FGGY: variants seen among roughly 807,000 people sequenced by gnomAD.
FGGY encodes the protein FGGY carbohydrate kinase domain-containing protein.
A neutral mutation model predicts 71.3 loss-of-function variants in FGGY; 72 were observed. The observed-to-expected ratio is 1.01, with a 90% CI of 0.84 to 1.23. The LOEUF (loss-of-function observed/expected upper bound fraction) is 1.23. FGGY is among the 50% of genes most tolerant of loss of function. FGGY has a pLI of 0.00. For missense variants in FGGY, 668 were observed against 682.3 expected, an observed-to-expected ratio of 0.98 and a Z score of 0.23; for synonymous variants, 251 against 250.3, an observed-to-expected ratio of 1.00 and a Z score of -0.02.
chr1:59,322,005 A>G (rs1439494018), intron 2 of FGGY, among the ~76,000 whole-genome samples: 1 of 152,184 alleles, frequency 6.6e-6, no homozygotes, highest in Non-Finnish European at 1.5e-5. Flanking sequence ...GGAAGACAGG[A>G]CAGCTTGAGG....
intron 1 of FGGY, among the ~76,000 whole-genome samples, chr1:59,302,768 CT>C (rs2042964226): frequency 6.6e-6 from 1 of 151,796 alleles, no homozygotes; most frequent in Non-Finnish European, 1.5e-5. Flanking sequence ...TAAAATTGAA[CT>C]TTATTCAGTT....
intron 6 of FGGY, among the ~76,000 whole-genome samples, chr1:59,467,030 T>A (rs1572520411): frequency 6.6e-6 from 1 of 152,326 alleles, no homozygotes; most frequent in African/African-American, 2.4e-5. Flanking sequence ...TACATCATGC[T>A]ACTATAAAGA....
intron 14 of FGGY, among the ~76,000 whole-genome samples, chr1:59,750,877 C>T (rs981334616): frequency 7.8e-4 from 118 of 151,010 alleles, no homozygotes; most frequent in African/African-American, 2.7e-3. Context: ...AGGCAGATTC[C>T]TGTATTTTAG....
At chr1:59,747,080 A>G (rs2098204744) in intron 14 of FGGY, among the ~76,000 whole-genome samples, 1 of 152,182 alleles carries the variant, frequency 6.6e-6, no homozygotes, top group African/African-American at 2.4e-5. Flanking sequence ...CGGCAGTACT[A>G]TATACCTTCT....
intron 6 of FGGY, among the ~76,000 whole-genome samples, chr1:59,484,943 G>A (rs1470625673): frequency 6.6e-6 from 1 of 152,068 alleles, no homozygotes; most frequent in Non-Finnish European, 1.5e-5. Context: ...ATCTTGGCCT[G>A]CAGACATCTT....
intron 11 of FGGY, among the ~76,000 whole-genome samples, chr1:59,657,741 C>T (rs537921363): frequency 2.0e-5 from 3 of 152,278 alleles, no homozygotes; most frequent in South Asian, 4.1e-4. Context: ...TTTTCAAACT[C>T]AAGACAAAGG....
At chr1:59,700,725 A>G (rs974453423) in intron 14 of FGGY, among the ~76,000 whole-genome samples, 1 of 152,112 alleles carries the variant, frequency 6.6e-6, no homozygotes, top group African/African-American at 2.4e-5. Context: ...AGCAATCACA[A>G]CAAGTAATAT....
intron 7 of FGGY, among the ~76,000 whole-genome samples, chr1:59,539,287 T>C (rs2095402336): frequency 1.3e-5 from 2 of 152,164 alleles, no homozygotes; most frequent in African/African-American, 4.8e-5. Context: ...TCCTAAAACT[T>C]AGATGGAAAG....
chr1:59,585,984 GAATGCC>G, intron 8 of FGGY, among the ~76,000 whole-genome samples: 1 of 152,188 alleles, frequency 6.6e-6, no homozygotes, highest in Non-Finnish European at 1.5e-5. Flanking sequence ...ACACCAGTTA[GAATGCC>G]AATCATTAAA....
chr1:59,467,202 G>A (rs556849456), intron 6 of FGGY, among the ~76,000 whole-genome samples: 2 of 152,116 alleles, frequency 1.3e-5, no homozygotes, highest in South Asian at 4.2e-4. Flanking sequence ...TCTTTTGTAG[G>A]GACATGGATG....
chr1:59,371,445 C>T (rs1268964346), intron 4 of FGGY, among the ~76,000 whole-genome samples: 1 of 152,132 alleles, frequency 6.6e-6, no homozygotes. Context: ...TAGACTCCCA[C>T]ACATTAATAA....
rs537767983 is a variant in FGGY at position 59,561,400 on chromosome 1, C to T, written c.903+7173C>T. Among the ~76,000 whole-genome samples, 14 of 152,236 alleles carry T rather than the reference C, an allele frequency of 9.2e-5. No individual in the cohort carries two copies. The East Asian group carries it at 1.4e-3, about 15-fold the overall frequency. ...ACAAAGTATATGCTAGGCATTGATTCGGCGAGGAGAGGGTTGATGTGGTTC... is the reference window on the plus strand; with the variant it reads ...ACAAAGTATATGCTAGGCATTGATTTGGCGAGGAGAGGGTTGATGTGGTTC... On this transcript the variant is annotated intron_variant, in intron 8 of 15. Coordinates refer to ENST00000303721, the MANE Select transcript of FGGY (RefSeq NM_018291.5).
chr1:59,571,176 G>A (rs1571431497), intron 8 of FGGY, among the ~76,000 whole-genome samples: 1 of 152,226 alleles, frequency 6.6e-6, no homozygotes, highest in African/African-American at 2.4e-5. Flanking sequence ...TATTACACTG[G>A]GAAATAATTA....
chr1:59,481,117 T>C (rs931244517), intron 6 of FGGY, among the ~76,000 whole-genome samples: 3 of 152,218 alleles, frequency 2.0e-5, no homozygotes, highest in African/African-American at 7.2e-5. Context: ...TCTTAGTGAC[T>C]TGCACAGTCA....
At chr1:59,370,450 G>A (rs539278706) in intron 4 of FGGY, among the ~76,000 whole-genome samples, 12 of 152,310 alleles carry the variant, frequency 7.9e-5, no homozygotes, top group South Asian at 2.1e-4. Context: ...TGAAAGTGAC[G>A]GGGAGAATGG....
chr1:59,574,905 A>T (rs971730476), intron 8 of FGGY, among the ~76,000 whole-genome samples: 2 of 152,164 alleles, frequency 1.3e-5, no homozygotes, highest in African/African-American at 4.8e-5. Flanking sequence ...AGTGCTAGTT[A>T]TGTTTAATAT....
At chr1:59,363,314 T>G (rs1332022660) in intron 4 of FGGY, among the ~76,000 whole-genome samples, 2 of 152,196 alleles carry the variant, frequency 1.3e-5, no homozygotes, top group African/African-American at 4.8e-5. Flanking sequence ...CCCTACTCTT[T>G]CCTGAAGAGG....
rs866398708 is a variant in FGGY at position 59,326,087 on chromosome 1, A to G, written c.201+4337A>G. ...GATTCATACTAAACTTCTCTTAGGAAGAAGGAGAAGATAAGCTGGAGGAAT... is the reference window on the plus strand; with the variant it reads ...GATTCATACTAAACTTCTCTTAGGAGGAAGGAGAAGATAAGCTGGAGGAAT... On this transcript the variant is annotated intron_variant, in intron 2 of 15. Coordinates refer to ENST00000303721, the MANE Select transcript of FGGY (RefSeq NM_018291.5). Among the ~76,000 whole-genome samples, 2 of 152,350 alleles carry G rather than the reference A, an allele frequency of 1.3e-5. 1 individual carries two copies. The highest frequency in any genetic ancestry group is 6.8e-3 in the Middle Eastern group (2 of 294).
At chr1:59,692,769 T>C (rs1421834802) in intron 14 of FGGY, among the ~76,000 whole-genome samples, 2 of 152,168 alleles carry the variant, frequency 1.3e-5, no homozygotes, top group East Asian at 3.9e-4. Context: ...GGAAGTCTAA[T>C]TGATGGCAGA....
Sources: allele counts gnomAD v4.1 joint callset (sites outside exome capture counted in the v4.1 genomes callset), GRCh38; gene constraint gnomAD v4.1.1; transcripts MANE v1.5; gene names NCBI Gene and HGNC (gene_info 2026-07-23, HGNC 2026-07-21).